The following ADAMTS6 variants were observed in gnomAD, a reference collection of about 807,000 sequenced individuals.
ADAMTS6 encodes the protein A disintegrin and metalloproteinase with thrombospondin motifs 6.
A neutral mutation model predicts 144.3 loss-of-function variants in ADAMTS6; 23 were observed. The observed-to-expected ratio is 0.16, with a 90% CI of 0.11 to 0.23. ADAMTS6 has a LOEUF of 0.23. Among genes scored for constraint, ADAMTS6 ranks in the 10% least tolerant of loss-of-function variants. The probability of loss-of-function intolerance (pLI) is 1.00; values close to 1 mark genes in which losing one functional copy is unlikely to be tolerated. For synonymous variants in ADAMTS6, 444 were observed against 457.5 expected (o/e 0.97, Z 0.38); for missense variants, 999 against 1,379.6 (o/e 0.72, Z 4.37).
chr5:65,227,690 C>A (rs904287714), intron 15 of ADAMTS6, among the ~76,000 whole-genome samples: 1 of 152,120 alleles, frequency 6.6e-6, no homozygotes, highest in Non-Finnish European at 1.5e-5. Context: ...ACAGCACATT[C>A]CAGTATAGGA....
At chr5:65,232,837 A>T (rs1350200267) in intron 15 of ADAMTS6, among the ~76,000 whole-genome samples, 3 of 152,200 alleles carry the variant, frequency 2.0e-5, no homozygotes, top group Non-Finnish European at 2.9e-5. Flanking sequence ...GAATACTCCA[A>T]ATACATTTTA....
chr5:65,159,262 C>T (rs940098435), intron 24 of ADAMTS6, among the ~76,000 whole-genome samples: 1 of 152,192 alleles, frequency 6.6e-6, no homozygotes, highest in Non-Finnish European at 1.5e-5. Flanking sequence ...TCTACTCCCA[C>T]ACAAGGCTGC....
At chr5:65,371,485 A>G (rs904218162) in intron 7 of ADAMTS6, among the ~76,000 whole-genome samples, 48 of 152,166 alleles carry the variant, frequency 3.2e-4, no homozygotes, top group African/African-American at 1.1e-3. Flanking sequence ...CAGAAGCCTC[A>G]GGAGCCAATG....
At chr5:65,308,541 G>A (rs1744168257) in intron 9 of ADAMTS6, among the ~76,000 whole-genome samples, 2 of 152,028 alleles carry the variant, frequency 1.3e-5, no homozygotes, top group Admixed American at 1.3e-4. Context: ...CTTAAGAATT[G>A]CAGCTATTCC....
rs768143558 is a variant in ADAMTS6, at chr5:65,172,820, C to CA, written c.3087+11dup. The CA allele has an allele frequency of 7.4e-6, 12 of 1,612,370 alleles. No homozygotes were observed. Among genetic ancestry groups the CA allele is most frequent in the Non-Finnish European group, 8.5e-6 (10 of 1,179,158 alleles). On this transcript the variant is annotated intron_variant, in intron 23 of 24. Coordinates refer to ENST00000381055, the MANE Select transcript of ADAMTS6 (RefSeq NM_197941.4). ...GCTATTTCAGCAGGAGCCCACAGTA[C>CA]AAACGCCTTACCTGGCCCCAGTCTC...
At chr5:65,407,288 C>T (rs1279801591) in intron 7 of ADAMTS6, among the ~76,000 whole-genome samples, 5 of 151,460 alleles carry the variant, frequency 3.3e-5, no homozygotes, top group East Asian at 1.9e-4. Flanking sequence ...GCAGATCTCT[C>T]GGCAGAAACT....
chr5:65,225,124 A>G, intron 16 of ADAMTS6, 77 bp from the exon 17 acceptor site: 2 of 1,384,146 alleles, frequency 1.4e-6, no homozygotes, highest in East Asian at 5.1e-5. Context: ...CATATAACTT[A>G]TTTATTTGCT....
At chr5:65,459,467 T>C (rs1279212070) in intron 4 of ADAMTS6, among the ~76,000 whole-genome samples, 2 of 152,148 alleles carry the variant, frequency 1.3e-5, no homozygotes, top group Non-Finnish European at 2.9e-5. Context: ...CTCACCTTTA[T>C]CCCTCCAGCC....
intron 14 of ADAMTS6, among the ~76,000 whole-genome samples, chr5:65,245,357 A>G (rs1759533478): frequency 6.6e-6 from 1 of 152,110 alleles, no homozygotes; most frequent in Admixed American, 6.6e-5. Context: ...ACTCAGGCAG[A>G]AGAAGAATCT....
In ADAMTS6 at chr5:65,160,729, C is replaced by T. The variant is rs149281239; in HGVS notation, c.3245-8784G>A. On this transcript the variant is annotated intron_variant, in intron 24 of 24. Transcript: ENST00000381055. Reference sequence around the variant, plus strand: ...GTGCAATGGCGTGATCTCAGCTGACCGCAACTTCTGCCTCCCAAATTCAAG... The same window carrying T: ...GTGCAATGGCGTGATCTCAGCTGACTGCAACTTCTGCCTCCCAAATTCAAG... 3.4e-3 allele frequency among the ~76,000 whole-genome samples: 508 copies of T among 148,060 alleles called. 7 individuals carry two copies. Among genetic ancestry groups the T allele is most frequent in the African/African-American group, 0.012 (485 of 39,946 alleles).
intron 8 of ADAMTS6, 93 bp from the exon 9 acceptor site, chr5:65,329,576 C>A: frequency 1.9e-6 from 2 of 1,055,274 alleles, no homozygotes; most frequent in Non-Finnish European, 2.7e-6. Context: ...TTTTTAATAA[C>A]CTCCATGCAC....
intron 14 of ADAMTS6, among the ~76,000 whole-genome samples, chr5:65,259,678 T>C (rs1761000066): frequency 1.3e-5 from 2 of 152,260 alleles, no homozygotes; most frequent in South Asian, 4.1e-4. Flanking sequence ...GACAAGTCTT[T>C]TGAGAAATTT....
At chr5:65,386,022 C>T (rs1231224777) in intron 7 of ADAMTS6, among the ~76,000 whole-genome samples, 1 of 152,148 alleles carries the variant, frequency 6.6e-6, no homozygotes, top group Non-Finnish European at 1.5e-5. Flanking sequence ...TTATCAGAAT[C>T]CCTCCAGCCT....
chr5:65,196,551 A>AAAAAAAAAG (rs1561269572), intron 21 of ADAMTS6, among the ~76,000 whole-genome samples: 9 of 146,532 alleles, frequency 6.1e-5, no homozygotes, highest in Non-Finnish European at 1.0e-4. Flanking sequence ...AAAAAAAAAA[A>AAAAAAAAAG]AGAGGTCTTT....
intron 18 of ADAMTS6, among the ~76,000 whole-genome samples, chr5:65,216,741 T>C (rs1756946062): frequency 6.6e-6 from 1 of 151,022 alleles, no homozygotes; most frequent in Non-Finnish European, 1.5e-5. Context: ...AAAATATTGA[T>C]AGATAAACAT....
chr5:65,386,223 C>A lies in ADAMTS6; in HGVS notation c.1074-52138G>T, dbSNP rs369308245. 1.1e-3 allele frequency among the ~76,000 whole-genome samples: 171 copies of A among 152,046 alleles called. 2 individuals carry two copies. In the South Asian group the frequency reaches 0.016, roughly 15 times the overall value. On this transcript the variant is annotated intron_variant, in intron 7 of 24. Transcript: ENST00000381055. ...AACATTGATAATATTTCACATTTTT[C>A]TTTTTTTAAAAAATGTTCCTTTTTA... is the stretch of plus-strand genomic sequence containing the variant.
At chr5:65,352,392 A>G (rs1748937325) in intron 7 of ADAMTS6, among the ~76,000 whole-genome samples, 1 of 152,152 alleles carries the variant, frequency 6.6e-6, no homozygotes, top group African/African-American at 2.4e-5. Context: ...TATGGCACCA[A>G]TTTCCAGAAG....
At chr5:65,375,533 G>C (rs993181034) in intron 7 of ADAMTS6, among the ~76,000 whole-genome samples, 4 of 152,098 alleles carry the variant, frequency 2.6e-5, no homozygotes, top group African/African-American at 9.7e-5. Flanking sequence ...CTGGCCATCA[G>C]AGAAATACAA....
chr5:65,200,471 C>T (rs1409390204), intron 20 of ADAMTS6, among the ~76,000 whole-genome samples: 4 of 152,028 alleles, frequency 2.6e-5, no homozygotes, highest in East Asian at 1.9e-4. Flanking sequence ...ATTTTAAACC[C>T]GGTTGGGAAT....
Sources: gnomAD v4.1 joint callset for allele counts (sites outside exome capture counted in the v4.1 genomes callset) on GRCh38, gnomAD v4.1.1 for gene constraint, MANE v1.5 for transcripts, NCBI Gene and HGNC (gene_info 2026-07-23, HGNC 2026-07-21) for gene names.